GRID1: variants seen among roughly 807,000 people sequenced by gnomAD.
GRID1 encodes the protein glutamate ionotropic receptor delta type subunit 1.
A neutral mutation model predicts 98.0 loss-of-function variants in GRID1; 28 were observed. That is an observed-to-expected ratio of 0.29 (90% confidence interval 0.21 to 0.39). The LOEUF is 0.39. GRID1 is among the 10% of genes least tolerant of loss of function. The pLI is 1.00. For missense variants in GRID1, 1,111 were observed against 1,340.5 expected (o/e 0.83, Z 2.67); for synonymous variants, 553 against 538.5 (o/e 1.03, Z -0.37).
At chr10:85,938,702 A>T (rs888466906) in intron 4 of GRID1, among the ~76,000 whole-genome samples, 4 of 152,080 alleles carry the variant, frequency 2.6e-5, no homozygotes, top group African/African-American at 9.7e-5. Flanking sequence ...CCAATTAAAA[A>T]CCCAGTCCTC....
chr10:86,257,449 TGA>T (rs1395246878), intron 2 of GRID1, among the ~76,000 whole-genome samples: 1 of 152,150 alleles, frequency 6.6e-6, no homozygotes, highest in East Asian at 1.9e-4. Context: ...AGAGATGGAT[TGA>T]GAGTCACAGA....
intron 13 of GRID1, among the ~76,000 whole-genome samples, chr10:85,620,330 T>A: frequency 6.6e-6 from 1 of 152,336 alleles, no homozygotes; most frequent in East Asian, 1.9e-4. Flanking sequence ...GTCACAGTGC[T>A]ATGGGCCTAT....
rs374073690 is a variant in GRID1 at position 86,197,360 on chromosome 10, G to A, written c.520+9004C>T. Reference sequence around the variant, plus strand: ...AGCAAGGAGCCGGAGCTGGAAGGCAGCAGACAGGGAGCAGGAGGAGGGGAG... The same window carrying A: ...AGCAAGGAGCCGGAGCTGGAAGGCAACAGACAGGGAGCAGGAGGAGGGGAG... On this transcript the variant is annotated intron_variant, in intron 3 of 15. Transcript: ENST00000327946. 5.3e-5 allele frequency among the ~76,000 whole-genome samples: 8 copies of A among 152,110 alleles called. No individual in the cohort carries two copies. In the East Asian group the frequency reaches 1.2e-3, roughly 22 times the overall value.
intron 4 of GRID1, among the ~76,000 whole-genome samples, chr10:86,114,949 C>T (rs991304071): frequency 6.6e-6 from 1 of 152,326 alleles, no homozygotes; most frequent in East Asian, 1.9e-4. Context: ...AAGAATCCAC[C>T]TCTCTCCCTG....
intron 2 of GRID1, among the ~76,000 whole-genome samples, chr10:86,232,863 C>T (rs1846477825): frequency 6.6e-6 from 1 of 152,150 alleles, no homozygotes; most frequent in African/African-American, 2.4e-5. Context: ...CTGGCACTCT[C>T]CCACAGCAGA....
At position 85,758,298 on chromosome 10, in the gene GRID1, T is replaced by C. The variant is rs566447994; in HGVS notation, c.1234-28684A>G. Among the ~76,000 whole-genome samples, 97 of 152,356 alleles carry C rather than the reference T, an allele frequency of 6.4e-4. 1 individual carries two copies. The South Asian group carries it at 0.02, about 31-fold the overall frequency. The stretch of plus-strand genomic sequence containing the variant: ...TGTTTTATTTATTTGCTCACTCTTT[T>C]GCAGTTTGGACAGAGTTTGACAACA... On this transcript the variant is annotated intron_variant, in intron 8 of 15. Transcript: ENST00000327946.
Position 86,037,141 on chromosome 10 carries a change from T to C in GRID1, c.726+101678A>G, listed in dbSNP as rs927645747. ...GGGCTCGAGGTAGCTAGAAATATCA[T>C]CGAACCTGCCGTCCAAGCTTTGAGC... On this transcript the variant is annotated intron_variant, in intron 4 of 15. Coordinates refer to ENST00000327946, the MANE Select transcript of GRID1 (RefSeq NM_017551.3). Among the ~76,000 whole-genome samples the C allele has an allele frequency of 2.8e-4, 42 of 152,184 alleles. 1 individual carries two copies. Among genetic ancestry groups the C allele is most frequent in the Admixed American group, 2.2e-3 (34 of 15,284 alleles).
chr10:85,671,519 C>A (rs1037947668), intron 12 of GRID1, among the ~76,000 whole-genome samples: 1 of 152,164 alleles, frequency 6.6e-6, no homozygotes, highest in Non-Finnish European at 1.5e-5. Context: ...TATGTTCTGA[C>A]TGCTCCACTG....
At chr10:85,933,284 TTAAAAAAAAAA>T (rs769718909) in intron 4 of GRID1, among the ~76,000 whole-genome samples, 1 of 74,068 alleles carries the variant, frequency 1.4e-5, no homozygotes, top group Non-Finnish European at 2.6e-5. Context: ...TCTCTGTTCT[TTAAAAAAAAAA>T]AAAAAAAAAA....
chr10:85,674,843 T>C (rs1841126574), intron 12 of GRID1, among the ~76,000 whole-genome samples: 1 of 152,128 alleles, frequency 6.6e-6, no homozygotes, highest in South Asian at 2.1e-4. Context: ...AACCAAAGAC[T>C]CACTATGTCC....
intron 4 of GRID1, among the ~76,000 whole-genome samples, chr10:86,030,701 T>C (rs1329523449): frequency 6.6e-6 from 1 of 152,046 alleles, no homozygotes; most frequent in East Asian, 1.9e-4. Context: ...GATATAGGAG[T>C]TAAGAAGAAA....
chr10:85,982,150 C>T (rs1052587774), intron 4 of GRID1, among the ~76,000 whole-genome samples: 2 of 146,324 alleles, frequency 1.4e-5, no homozygotes, highest in South Asian at 4.3e-4. Flanking sequence ...GAAAAATGGC[C>T]ATTTAGTGAG....
intron 3 of GRID1, among the ~76,000 whole-genome samples, chr10:86,153,531 GA>G (rs931300567): frequency 2.0e-5 from 3 of 152,198 alleles, no homozygotes; most frequent in African/African-American, 7.2e-5. Context: ...TGAAACACCA[GA>G]AATAATGGGT....
intron 15 of GRID1, chr10:85,605,299 A>T (rs1842644146): frequency 6.6e-6 from 1 of 152,266 alleles, no homozygotes; most frequent in Non-Finnish European, 1.5e-5. Context: ...TGAAGGGCAC[A>T]AAACAAGTAC....
intron 2 of GRID1, among the ~76,000 whole-genome samples, chr10:86,290,324 C>T (rs1378458492): frequency 6.6e-6 from 1 of 152,146 alleles, no homozygotes; most frequent in East Asian, 1.9e-4. Context: ...TGGGGTGCTC[C>T]TGGGGAGGAC....
intron 2 of GRID1, among the ~76,000 whole-genome samples, chr10:86,232,323 G>C (rs1227276130): frequency 6.6e-6 from 1 of 152,200 alleles, no homozygotes. Flanking sequence ...ATACACTGAG[G>C]GTTCTCTGGC....
chr10:85,646,746 C>G (rs1486682810), intron 13 of GRID1: 1 of 196,788 alleles, frequency 5.1e-6, no homozygotes, highest in African/African-American at 2.3e-5. Context: ...GTCCAGGCCA[C>G]CTGGCTGACC....
chr10:86,051,927 C>A (rs1843508037), intron 4 of GRID1, among the ~76,000 whole-genome samples: 1 of 152,172 alleles, frequency 6.6e-6, no homozygotes, highest in Admixed American at 6.5e-5. Flanking sequence ...TCTGCAATTC[C>A]ATTTTTATGT....
At chr10:86,260,828 C>T (rs1486229305) in intron 2 of GRID1, among the ~76,000 whole-genome samples, 3 of 152,244 alleles carry the variant, frequency 2.0e-5, no homozygotes, top group Admixed American at 6.5e-5. Flanking sequence ...CATGCCAAGC[C>T]ACTCGGCTCC....
Sources: gnomAD v4.1 joint callset for allele counts (sites outside exome capture counted in the v4.1 genomes callset) on GRCh38, gnomAD v4.1.1 for gene constraint, MANE v1.5 for transcripts, NCBI Gene and HGNC (gene_info 2026-07-23, HGNC 2026-07-21) for gene names.